Variants in AK3 observed in about 807,000 individuals in gnomAD.
AK3 encodes adenylate kinase 3.
In AK3, 27 loss-of-function variants were observed where a neutral mutation model predicts 23.7. The observed-to-expected ratio is 1.14, with a 90% confidence interval of 0.84 to 1.57. The LOEUF is 1.57. Among genes scored for constraint, AK3 ranks in the 40% most tolerant of loss-of-function variants. The pLI is 0.00. For missense variants in AK3, 406 were observed against 285.6 expected, an observed-to-expected ratio of 1.42 and a Z score of -3.04; for synonymous variants, 159 against 116.0, an observed-to-expected ratio of 1.37 and a Z score of -2.38.
intron 4 of AK3, 141 bp from the exon 5 acceptor site, chr9:4,713,237 G>T: frequency 8.9e-7 from 1 of 1,129,032 alleles, no homozygotes; most frequent in Non-Finnish European, 1.2e-6. Flanking sequence ...GGAGAGAAAG[G>T]CACTTGGCTG....
At chr9:4,720,841 T>G (rs375401243) in intron 2 of AK3, among the ~76,000 whole-genome samples, 7 of 152,210 alleles carry the variant, frequency 4.6e-5, no homozygotes, top group Non-Finnish European at 1.0e-4. Flanking sequence ...ATGACAATGA[T>G]AACGACTAAA....
chr9:4,719,059 C>T, intron 3 of AK3, 76 bp downstream of exon 3: 1 of 1,534,960 alleles, frequency 6.5e-7, no homozygotes, highest in African/African-American at 1.4e-5. Context: ...TTTCCAAGTT[C>T]ACTCAACTTA....
At chr9:4,725,552 T>A (rs1842004707) in intron 1 of AK3, among the ~76,000 whole-genome samples, 1 of 151,946 alleles carries the variant, frequency 6.6e-6, no homozygotes, top group South Asian at 2.1e-4. Flanking sequence ...GCAGATCACC[T>A]GAGGTCAGGA....
Position 4,711,988 on chromosome 9 carries a change from G to T in AK3, c.*988C>A, listed in dbSNP as rs1234314467. On this transcript the variant is annotated 3_prime_UTR_variant, in exon 5 of 5. Transcript: ENST00000381809. ...TGCCAAGGGAGCATTTCCCAGGCAT[G>T]CCTCATCTATTTACTAACAACAAAG... is the stretch of plus-strand genomic sequence containing the variant. 6.6e-6 allele frequency: 1 copy of T among 152,126 alleles called. No homozygotes were observed. The highest frequency in any genetic ancestry group is 1.5e-5 in the Non-Finnish European group (1 of 68,012). 9.4% of individuals were successfully genotyped at this position (152,126 alleles called of 1,614,324 possible). A position where few individuals can be genotyped will look rare whatever the true frequency, so the allele number is the denominator to read the frequency against.
At chr9:4,728,886 C>CATACATAT (rs71326126) in intron 1 of AK3, among the ~76,000 whole-genome samples, 24,698 of 140,004 alleles carry the variant, frequency 0.18, 2,728 homozygotes, top group East Asian at 0.44. Context: ...CACACACATA[C>CATACATAT]ATATATATAC....
In AK3 at chr9:4,718,554, G is replaced by C. The variant is rs374515313; in HGVS notation, c.445-17C>G. The C allele has an allele frequency of 1.1e-5, 17 of 1,511,460 alleles. No homozygotes were observed. The highest frequency in any genetic ancestry group is 1.6e-5 in the Non-Finnish European group (17 of 1,088,152). 93.6% of individuals were successfully genotyped at this position (1,511,460 alleles called of 1,614,324 possible). A position where few individuals can be genotyped will look rare whatever the true frequency, so the allele number is the denominator to read the frequency against. On this transcript the variant is annotated splice_polypyrimidine_tract_variant and intron_variant, in intron 3 of 4. Coordinates refer to ENST00000381809, the MANE Select transcript of AK3 (RefSeq NM_016282.4). Reference sequence around the variant, plus strand: ...ATCAATGCCCTAAACAGGATTAGAAGAGACTAGTATCAGATATCATATTTC... The same window carrying C: ...ATCAATGCCCTAAACAGGATTAGAACAGACTAGTATCAGATATCATATTTC...
chr9:4,740,035 A>G (rs1476849810), intron 1 of AK3, among the ~76,000 whole-genome samples: 1 of 145,272 alleles, frequency 6.9e-6, no homozygotes. Context: ...TATGCTATGC[A>G]CGTCTATCCT....
rs567482797 is a variant in AK3 at position 4,735,232 on chromosome 9, T to C, written c.151+5705A>G. On this transcript the variant is annotated intron_variant, in intron 1 of 4. Coordinates refer to ENST00000381809, the MANE Select transcript of AK3 (RefSeq NM_016282.4). ...CCAACATGGTGAGACCCCATATATA[T>C]ATATACATATATAAATATATATATA... Among the ~76,000 whole-genome samples the C allele has an allele frequency of 4.9e-4, 44 of 89,680 alleles. 1 individual carries two copies. Among genetic ancestry groups the C allele is most frequent in the Admixed American group, 1.0e-3 (6 of 5,988 alleles). The allele number at this position is 89,680 out of a possible 152,430, so 58.8% of individuals were successfully genotyped here.
chr9:4,716,773 T>A (rs1268716374), intron 4 of AK3, among the ~76,000 whole-genome samples: 5 of 151,954 alleles, frequency 3.3e-5, no homozygotes, highest in Admixed American at 6.6e-5. Context: ...CTAAAAAAAA[T>A]TTTTTTAATT....
At chr9:4,728,520 GA>G (rs1563792834) in intron 1 of AK3, among the ~76,000 whole-genome samples, 1 of 152,180 alleles carries the variant, frequency 6.6e-6, no homozygotes, top group African/African-American at 2.4e-5. Context: ...TCAGTGACCT[GA>G]ATAGCTGCCA....
At chr9:4,736,495 G>A (rs946479035) in intron 1 of AK3, among the ~76,000 whole-genome samples, 11 of 147,318 alleles carry the variant, frequency 7.5e-5, no homozygotes, top group South Asian at 4.3e-4. Flanking sequence ...AAACAACTCC[G>A]CTTTGCCATC....
In AK3 at chr9:4,718,501, G is replaced by A. The variant is rs953055512; in HGVS notation, c.481C>T (p.Arg161Cys). 5 of 1,613,586 alleles carry A rather than the reference G, an allele frequency of 3.1e-6. No homozygotes were observed. Among genetic ancestry groups the A allele is most frequent in the African/African-American group, 2.7e-5 (2 of 74,874 alleles). Residue 161 changes from arginine (R) to cysteine (C), a missense_variant, in exon 4 of 5, where the codon CGT becomes TGT. Arg to Cys is a radical substitution (Grantham distance 180, BLOSUM62 -3). Coordinates refer to ENST00000381809, the MANE Select transcript of AK3 (RefSeq NM_016282.4). ...ACCGTCTCTGGTTTATCATCCTCAC[G>A]CTGAATGAGAGGCTCCCCAGTCAGG... The part of the protein sequence containing the change: ...DDLTGEPLIQ[R>C]EDDKPETVIK...
At chr9:4,714,072 A>G (rs201813365) in intron 4 of AK3, among the ~76,000 whole-genome samples, 21 of 2,122 alleles carry the variant, frequency 9.9e-3, no homozygotes, top group African/African-American at 0.016. Context: ...ATACACACCT[A>G]CACATATACA....
At chr9:4,721,001 A>C (rs961551028) in intron 2 of AK3, among the ~76,000 whole-genome samples, 4 of 152,122 alleles carry the variant, frequency 2.6e-5, no homozygotes, top group African/African-American at 9.7e-5. Flanking sequence ...ACCTCCCACA[A>C]ATGGGAATGT....
rs190855161 is a variant in AK3 at position 4,738,251 on chromosome 9, C to T, written c.151+2686G>A. On this transcript the variant is annotated intron_variant, in intron 1 of 4. Coordinates refer to ENST00000381809, the MANE Select transcript of AK3 (RefSeq NM_016282.4). ...CGCCATCTCGGCTCGCTGCAACCTCCGCCTCCCAGTTTCAAGTGATTCTCC... is the reference window on the plus strand; with the variant it reads ...CGCCATCTCGGCTCGCTGCAACCTCTGCCTCCCAGTTTCAAGTGATTCTCC... 3.4e-3 allele frequency among the ~76,000 whole-genome samples: 513 copies of T among 152,288 alleles called. 1 individual carries two copies. Among genetic ancestry groups the T allele is most frequent in the African/African-American group, 0.012 (486 of 41,544 alleles).
intron 1 of AK3, among the ~76,000 whole-genome samples, chr9:4,731,790 AT>A (rs1842160197): frequency 6.6e-6 from 1 of 152,098 alleles, no homozygotes. Context: ...CTTGAACAAC[AT>A]GGATTTGAAC....
chr9:4,729,027 T>G (rs1842092393), intron 1 of AK3, among the ~76,000 whole-genome samples: 3 of 141,166 alleles, frequency 2.1e-5, no homozygotes, highest in Non-Finnish European at 4.7e-5. Flanking sequence ...TTTTTTTTTT[T>G]GAGACGGAAT....
intron 1 of AK3, among the ~76,000 whole-genome samples, chr9:4,740,477 A>G (rs544401985): frequency 5.9e-5 from 9 of 152,348 alleles, no homozygotes; most frequent in African/African-American, 1.7e-4. Context: ...ACAAGATCTC[A>G]TAGAGCTTAA....
At chr9:4,740,855 C>T (rs562565613) in intron 1 of AK3, 82 bp downstream of exon 1, 3 of 1,355,492 alleles carry the variant, frequency 2.2e-6, no homozygotes, top group Non-Finnish European at 2.9e-6. Context: ...GCCAGGGACC[C>T]GCGTGCCCAG....
Sources: allele counts gnomAD v4.1 joint callset (sites outside exome capture counted in the v4.1 genomes callset), GRCh38; gene constraint gnomAD v4.1.1; transcripts MANE v1.5; gene names NCBI Gene and HGNC (gene_info 2026-07-23, HGNC 2026-07-21).